IPO11: variants seen among roughly 807,000 people sequenced by gnomAD.
The protein encoded by IPO11 is importin-11.
A neutral mutation model predicts 143.2 loss-of-function variants in IPO11; 66 were observed. The ratio of observed to expected loss-of-function variants is 0.46; its 90% confidence interval spans 0.38 to 0.57. The LOEUF (loss-of-function observed/expected upper bound fraction) is 0.57. IPO11 is among the 20% of genes least tolerant of loss of function. The pLI is 0.00. For missense variants in IPO11, 1,026 were observed against 1,141.0 expected (o/e 0.90, Z 1.45); for synonymous variants, 385 against 377.8 (o/e 1.02, Z -0.22).
At chr5:62,462,567 G>C (rs1183017398) in intron 5 of IPO11, among the ~76,000 whole-genome samples, 1 of 150,940 alleles carries the variant, frequency 6.6e-6, no homozygotes, top group Admixed American at 6.6e-5. Flanking sequence ...ACAGGGTTTT[G>C]TCTCCCAAGC....
chr5:62,581,062 A>G, intron 27 of IPO11: 2 of 1,549,902 alleles, frequency 1.3e-6, no homozygotes, highest in Non-Finnish European at 1.7e-6. Flanking sequence ...TTGTGTTTTA[A>G]TCATTTTTTT....
At chr5:62,457,233 A>C (rs1165633805) in intron 5 of IPO11, among the ~76,000 whole-genome samples, 1 of 152,176 alleles carries the variant, frequency 6.6e-6, no homozygotes, top group Non-Finnish European at 1.5e-5. Context: ...TCATGCCTGT[A>C]ATCCCAGCAC....
chr5:62,478,446 C>A (rs990488340), intron 9 of IPO11, among the ~76,000 whole-genome samples: 1 of 152,116 alleles, frequency 6.6e-6, no homozygotes, highest in Non-Finnish European at 1.5e-5. Context: ...GGATTACAGG[C>A]GTGAGCCACC....
chr5:62,491,847 T>C (rs917092630), intron 15 of IPO11, among the ~76,000 whole-genome samples: 5 of 152,022 alleles, frequency 3.3e-5, no homozygotes, highest in African/African-American at 1.2e-4. Context: ...TTTGTATTTT[T>C]TTTTAGTAGA....
chr5:62,468,800 G>T (rs1230755478), intron 6 of IPO11, among the ~76,000 whole-genome samples: 1 of 152,072 alleles, frequency 6.6e-6, no homozygotes. Flanking sequence ...ACTTTTTAGA[G>T]ATATCCTGCC....
intron 3 of IPO11, among the ~76,000 whole-genome samples, chr5:62,444,363 A>T (rs1267772009): frequency 6.6e-6 from 1 of 151,662 alleles, no homozygotes; most frequent in Non-Finnish European, 1.5e-5. Flanking sequence ...AAGTGCTGGG[A>T]TTGCAGGTGT....
At chr5:62,420,245 C>T (rs1248348184) in intron 1 of IPO11, among the ~76,000 whole-genome samples, 4 of 148,092 alleles carry the variant, frequency 2.7e-5, no homozygotes, top group South Asian at 4.3e-4. Flanking sequence ...GAGCCAAGAT[C>T]GTACCACTGC....
intron 27 of IPO11, among the ~76,000 whole-genome samples, chr5:62,575,222 T>C: frequency 6.6e-6 from 1 of 152,216 alleles, no homozygotes; most frequent in East Asian, 1.9e-4. Context: ...AGAAAAACAC[T>C]GCAAGAACAA....
At chr5:62,519,956 C>G (rs1339894637) in intron 20 of IPO11, among the ~76,000 whole-genome samples, 1 of 152,182 alleles carries the variant, frequency 6.6e-6, no homozygotes, top group Non-Finnish European at 1.5e-5. Flanking sequence ...CAGCCACATT[C>G]TTTGACACAT....
intron 29 of IPO11, among the ~76,000 whole-genome samples, chr5:62,606,079 C>G (rs1246532710): frequency 6.6e-6 from 1 of 152,018 alleles, no homozygotes; most frequent in African/African-American, 2.4e-5. Flanking sequence ...CAAATGAAAA[C>G]TGTATGTATC....
At chr5:62,538,878 C>T (rs543181676) in intron 24 of IPO11, among the ~76,000 whole-genome samples, 4 of 152,064 alleles carry the variant, frequency 2.6e-5, no homozygotes, top group African/African-American at 4.8e-5. Context: ...ATGAATCAGG[C>T]GAATATAGTG....
At chr5:62,464,563 G>A (rs1392101244) in intron 5 of IPO11, among the ~76,000 whole-genome samples, 1 of 150,848 alleles carries the variant, frequency 6.6e-6, no homozygotes, top group African/African-American at 2.4e-5. Context: ...TCCCTTCCTG[G>A]GCTCAAGGCA....
chr5:62,522,472 A>G (rs1458354202), intron 20 of IPO11, among the ~76,000 whole-genome samples: 2 of 152,040 alleles, frequency 1.3e-5, no homozygotes, highest in Non-Finnish European at 2.9e-5. Flanking sequence ...TTTAGTGGAG[A>G]CAGTGTTTCA....
chr5:62,435,144 GTATATATGTA>G (rs1554047220), intron 1 of IPO11, among the ~76,000 whole-genome samples: 658 of 64,960 alleles, frequency 0.01, 28 homozygotes, highest in Admixed American at 0.038. Flanking sequence ...ATGTATATAT[GTATATATGTA>G]TATATATGTA....
chr5:62,499,298 G>A (rs1305705244), intron 16 of IPO11, among the ~76,000 whole-genome samples: 4 of 152,166 alleles, frequency 2.6e-5, no homozygotes, highest in Admixed American at 2.6e-4. Flanking sequence ...ATGATGGTAA[G>A]TATTTGTGTG....
chr5:62,505,048 T>G (rs986967041), intron 18 of IPO11, 150 bp downstream of exon 18: 6 of 454,166 alleles, frequency 1.3e-5, no homozygotes, highest in Non-Finnish European at 2.3e-5. Context: ...AGGACATAAT[T>G]TTTATTTGTA....
chr5:62,564,835 G>A (rs927568509), intron 27 of IPO11, among the ~76,000 whole-genome samples: 15 of 152,198 alleles, frequency 9.9e-5, no homozygotes, highest in African/African-American at 3.4e-4. Context: ...TTTTGGCTTA[G>A]AAATTCAGTG....
At chr5:62,504,175 T>G (rs1741458780) in intron 16 of IPO11, among the ~76,000 whole-genome samples, 1 of 152,192 alleles carries the variant, frequency 6.6e-6, no homozygotes, top group Admixed American at 6.5e-5. Flanking sequence ...ACTGTGGGAT[T>G]TAGCAAATCT....
chr5:62,429,307 G>A (rs745757067), intron 1 of IPO11, among the ~76,000 whole-genome samples: 24 of 152,024 alleles, frequency 1.6e-4, no homozygotes, highest in Non-Finnish European at 3.1e-4. Flanking sequence ...TTAGTGTGAT[G>A]TTTTCAAGGC....
Sources: gnomAD v4.1 joint callset for allele counts (sites outside exome capture counted in the v4.1 genomes callset) on GRCh38, gnomAD v4.1.1 for gene constraint, MANE v1.5 for transcripts, NCBI Gene and HGNC (gene_info 2026-07-23, HGNC 2026-07-21) for gene names.